CHSY1: variants seen among roughly 807,000 people sequenced by gnomAD.
CHSY1 encodes the protein N-acetylgalactosaminyl-proteoglycan 3-beta-glucuronosyltransferase 1.
In CHSY1, 13 loss-of-function variants were observed where a neutral mutation model predicts 59.8. The observed-to-expected ratio is 0.22, with a 90% CI of 0.14 to 0.35. CHSY1 has a LOEUF of 0.35. Among genes scored for constraint, CHSY1 ranks in the 10% least tolerant of loss-of-function variants. The pLI, the probability that CHSY1 is intolerant of heterozygous loss-of-function variation, is 1.00. For missense variants in CHSY1, 947 were observed against 1,030.6 expected (o/e 0.92, Z 1.11); for synonymous variants, 459 against 401.2 (o/e 1.14, Z -1.72).
intron 2 of CHSY1, among the ~76,000 whole-genome samples, chr15:101,212,052 G>A (rs900656150): frequency 6.6e-6 from 1 of 152,160 alleles, no homozygotes; most frequent in Non-Finnish European, 1.5e-5. Flanking sequence ...TAAGCACATG[G>A]AAAGGCACTC....
rs566314148 is a variant in CHSY1 at position 101,177,579 on chromosome 15, C to T, written c.2218G>A (p.Val740Ile). Residue 740 changes from valine to isoleucine, a missense_variant, in exon 3 of 3, where the codon GTA becomes ATA. Val to Ile is a conservative substitution (Grantham distance 29). Coordinates refer to ENST00000254190, the MANE Select transcript of CHSY1 (RefSeq NM_014918.5). Reference protein sequence around the residue: ...AGLKTFRSQEVGVVHVHHPVF... With the variant: ...AGLKTFRSQEIGVVHVHHPVF... ...GGATGGTGGACGTGGACTACTCCTA[C>T]TTCCTGGCTCCTAAACGTCTTCAAA... is the stretch of plus-strand genomic sequence containing the variant. 1 of 1,614,220 alleles carries T rather than the reference C, an allele frequency of 6.2e-7. No individual in the cohort carries two copies. The highest frequency in any genetic ancestry group is 2.2e-5 in the East Asian group (1 of 44,882).
chr15:101,238,505 C>A (rs8033360), intron 1 of CHSY1, among the ~76,000 whole-genome samples: 64,367 of 152,064 alleles, frequency 0.42, 15,808 homozygotes, highest in African/African-American at 0.69. Flanking sequence ...TTTTTCATCA[C>A]ATTTAGGATG....
rs192066951 is a variant in CHSY1 at position 101,223,464 on chromosome 15, A to G, written c.816+11618T>C. Among the ~76,000 whole-genome samples, 796 of 152,384 alleles carry G rather than the reference A, an allele frequency of 5.2e-3. 2 individuals carry two copies. Among genetic ancestry groups the G allele is most frequent in the Non-Finnish European group, 9.3e-3 (635 of 68,044 alleles). ...TAAAATATCTTATAGTTTTAGCTTT[A>G]AGATGTTTGTCAGTTTAACCCCCTG... On this transcript the variant is annotated intron_variant, in intron 2 of 2. Coordinates refer to ENST00000254190, the MANE Select transcript of CHSY1 (RefSeq NM_014918.5).
chr15:101,203,925 A>G (rs184239870), intron 2 of CHSY1, among the ~76,000 whole-genome samples: 2 of 152,322 alleles, frequency 1.3e-5, no homozygotes, highest in African/African-American at 4.8e-5. Context: ...GAACACCTCA[A>G]GTTCTTTATT....
chr15:101,184,232 T>C (rs1215941060), intron 2 of CHSY1, among the ~76,000 whole-genome samples: 2 of 152,148 alleles, frequency 1.3e-5, no homozygotes, highest in Non-Finnish European at 2.9e-5. Context: ...GTGTGTGTGC[T>C]AAGGGGGTGA....
intron 2 of CHSY1, among the ~76,000 whole-genome samples, chr15:101,231,604 T>C (rs2038893545): frequency 6.6e-6 from 1 of 152,218 alleles, no homozygotes; most frequent in Non-Finnish European, 1.5e-5. Context: ...GCTTCACCCC[T>C]AGTCAAATAT....
At chr15:101,247,960 A>T (rs555374446) in intron 1 of CHSY1, among the ~76,000 whole-genome samples, 16 of 152,210 alleles carry the variant, frequency 1.1e-4, no homozygotes, top group Admixed American at 4.6e-4. Context: ...AAATTCTGAC[A>T]TTTTCAGTAT....
chr15:101,249,617 G>A (rs2039087186), intron 1 of CHSY1, among the ~76,000 whole-genome samples: 1 of 147,528 alleles, frequency 6.8e-6, no homozygotes, highest in Admixed American at 6.9e-5. Flanking sequence ...GGGTTCAAGC[G>A]ATTCTCCTGC....
intron 2 of CHSY1, among the ~76,000 whole-genome samples, chr15:101,234,074 G>T (rs8038694): frequency 3.4e-4 from 51 of 152,116 alleles, no homozygotes; most frequent in African/African-American, 1.2e-3. Flanking sequence ...TGCAGGCAAA[G>T]GGTGCAGCAA....
At position 101,251,686 on chromosome 15, in the gene CHSY1, G is replaced by C. The variant is rs2039116901; in HGVS notation, c.-230C>G. On this transcript the variant is annotated 5_prime_UTR_variant, in exon 1 of 3. Coordinates refer to ENST00000254190, the MANE Select transcript of CHSY1 (RefSeq NM_014918.5). ...CCGCCGCCGCGGCCTGCGCCTTTAA[G>C]AGGGGACCATGCCCGGCGCGCGCTA... 1 of 147,878 alleles carries C rather than the reference G, an allele frequency of 6.8e-6. No homozygotes were observed. The highest frequency in any genetic ancestry group is 1.5e-5 in the Non-Finnish European group (1 of 66,358). The allele number at this position is 147,878 out of a possible 1,614,324, so 9.2% of individuals were successfully genotyped here.
At chr15:101,205,401 T>C (rs1244632929) in intron 2 of CHSY1, among the ~76,000 whole-genome samples, 1 of 152,338 alleles carries the variant, frequency 6.6e-6, no homozygotes, top group East Asian at 1.9e-4. Context: ...CTGGTCTTTA[T>C]ATTTCCCCAT....
chr15:101,236,421 T>G (rs1223683547), intron 1 of CHSY1, among the ~76,000 whole-genome samples: 1 of 152,234 alleles, frequency 6.6e-6, no homozygotes, highest in Non-Finnish European at 1.5e-5. Context: ...TTTCCCTTTT[T>G]GCTTGGCTCT....
At chr15:101,230,024 C>T (rs1347260642) in intron 2 of CHSY1, among the ~76,000 whole-genome samples, 3 of 151,452 alleles carry the variant, frequency 2.0e-5, no homozygotes, top group Middle Eastern at 3.2e-3. Flanking sequence ...TCACTTCAAC[C>T]TCTGCTCCCC....
chr15:101,241,791 T>C (rs925553073), intron 1 of CHSY1, among the ~76,000 whole-genome samples: 2 of 152,198 alleles, frequency 1.3e-5, no homozygotes, highest in African/African-American at 4.8e-5. Flanking sequence ...TTTTTCTCTC[T>C]GTAGAACTGA....
At chr15:101,212,548 A>C (rs1254155174) in intron 2 of CHSY1, among the ~76,000 whole-genome samples, 6 of 152,236 alleles carry the variant, frequency 3.9e-5, no homozygotes, top group Non-Finnish European at 7.3e-5. Context: ...ATTTATATTA[A>C]GTTAGAGGAC....
At chr15:101,214,031 A>C (rs1234721106) in intron 2 of CHSY1, among the ~76,000 whole-genome samples, 8 of 152,236 alleles carry the variant, frequency 5.3e-5, no homozygotes, top group Non-Finnish European at 1.2e-4. Context: ...AACGTGGGCC[A>C]GTCCCAAGTG....
chr15:101,191,906 CA>C lies in CHSY1; in HGVS notation c.817-12927del, dbSNP rs570137831. On this transcript the variant is annotated intron_variant, in intron 2 of 2. Coordinates refer to ENST00000254190, the MANE Select transcript of CHSY1 (RefSeq NM_014918.5). ...CCATCTATCTACTCACTGCTCTAAGCAAAAAAAAAAAATTTACAGAAATATA... is the reference window on the plus strand; with the variant it reads ...CCATCTATCTACTCACTGCTCTAAGCAAAAAAAAAAATTTACAGAAATATA... Among the ~76,000 whole-genome samples, 311 of 137,420 alleles carry C rather than the reference CA, an allele frequency of 2.3e-3. 2 individuals carry two copies. The East Asian group carries it at 0.031, about 14-fold the overall frequency. The allele number at this position is 137,420 out of a possible 152,430, so 90.2% of individuals were successfully genotyped here.
At chr15:101,240,280 G>A (rs890432221) in intron 1 of CHSY1, among the ~76,000 whole-genome samples, 2 of 152,152 alleles carry the variant, frequency 1.3e-5, no homozygotes, top group African/African-American at 4.8e-5. Flanking sequence ...CCACCATCCT[G>A]AGGAGGAGGA....
intron 2 of CHSY1, among the ~76,000 whole-genome samples, chr15:101,182,211 A>G (rs368129502): frequency 3.3e-5 from 5 of 152,334 alleles, no homozygotes; most frequent in African/African-American, 1.2e-4. Flanking sequence ...GTGGTACTTC[A>G]TATGGGTCCC....
Sources: gnomAD v4.1 joint callset for allele counts (sites outside exome capture counted in the v4.1 genomes callset) on GRCh38, gnomAD v4.1.1 for gene constraint, MANE v1.5 for transcripts, NCBI Gene and HGNC (gene_info 2026-07-23, HGNC 2026-07-21) for gene names.